Variants in PGM1 observed in about 807,000 individuals in gnomAD.
PGM1 encodes phosphoglucomutase 1.
A neutral mutation model predicts 55.6 loss-of-function variants in PGM1; 52 were observed. That is an observed-to-expected ratio of 0.94 (90% CI 0.75 to 1.18). The LOEUF (loss-of-function observed/expected upper bound fraction) is 1.18. Ranked by LOEUF, PGM1 falls within the 50% of genes most tolerant of loss-of-function variation. The pLI, the probability that PGM1 is intolerant of heterozygous loss-of-function variation, is 0.00. For synonymous variants in PGM1, 287 were observed against 271.7 expected (o/e 1.06, Z -0.55); for missense variants, 724 against 729.3 (o/e 0.99, Z 0.08).
In PGM1 at chr1:63,658,397, CTTT is replaced by C. The variant is rs34314608; in HGVS notation, c.1600-1177_1600-1175del. Among the ~76,000 whole-genome samples the C allele has an allele frequency of 1.1e-3, 153 of 135,196 alleles. 1 individual carries two copies. In the Middle Eastern group the frequency reaches 0.015, roughly 13 times the overall value. 88.7% of individuals were successfully genotyped at this position (135,196 alleles called of 152,430 possible). A position where few individuals can be genotyped will look rare whatever the true frequency, so the allele number is the denominator to read the frequency against. ...CATTTATTAAGCAACAGAATTCTCT[CTTT>C]TTTTTTTTTTTCTTTAAGCGAGAAG... On this transcript the variant is annotated intron_variant, in intron 10 of 10. Transcript: ENST00000371084.
rs1368353654 is a variant in PGM1 at position 63,616,489 on chromosome 1, C to G, written c.247-12936C>G. ...TCTCTTGTAGGCTCCCAGATGAGTA[C>G]TTTTTACTCCATTTTAAAATGATTT... On this transcript the variant is annotated intron_variant, in intron 1 of 10. Transcript: ENST00000371084. 3.9e-5 allele frequency among the ~76,000 whole-genome samples: 6 copies of G among 152,294 alleles called. 1 individual carries two copies. The South Asian group carries it at 6.2e-4, about 16-fold the overall frequency.
At chr1:63,604,047 T>C (rs1379096444) in intron 1 of PGM1, among the ~76,000 whole-genome samples, 4 of 152,200 alleles carry the variant, frequency 2.6e-5, no homozygotes, top group East Asian at 3.9e-4. Context: ...GGAGCACTTA[T>C]GCCCTGTGCC....
At chr1:63,634,747 T>C in intron 4 of PGM1, 82 bp from the exon 5 acceptor site, 1 of 1,168,662 alleles carries the variant, frequency 8.6e-7, no homozygotes, top group African/African-American at 1.5e-5. Flanking sequence ...CCAGAATGCA[T>C]CCACCTCACC....
intron 1 of PGM1, chr1:63,623,695 G>A: frequency 6.2e-7 from 1 of 1,612,588 alleles, no homozygotes; most frequent in Non-Finnish European, 8.5e-7. Context: ...GGTGGTTGGT[G>A]GAGATGGGCG....
chr1:63,648,845 G>A (rs543386169), intron 8 of PGM1, among the ~76,000 whole-genome samples, 193 bp downstream of exon 8: 1 of 152,220 alleles, frequency 6.6e-6, no homozygotes, highest in African/African-American at 2.4e-5. Context: ...CATAAAGAGT[G>A]AGGCTTTAAA....
At chr1:63,605,673 C>T (rs1399538395) in intron 1 of PGM1, among the ~76,000 whole-genome samples, 2 of 152,030 alleles carry the variant, frequency 1.3e-5, no homozygotes, top group African/African-American at 4.8e-5. Flanking sequence ...AATTCTCAGG[C>T]TCAAGTGATC....
chr1:63,623,449 T>C (rs1157090109), intron 1 of PGM1: 1 of 1,609,488 alleles, frequency 6.2e-7, no homozygotes, highest in Non-Finnish European at 8.5e-7. Context: ...AGCCAGTCGG[T>C]GGAAGTGAAG....
intron 10 of PGM1, among the ~76,000 whole-genome samples, chr1:63,658,746 C>T (rs1047522604): frequency 2.1e-5 from 3 of 139,952 alleles, no homozygotes; most frequent in Non-Finnish European, 3.0e-5. Flanking sequence ...GAGTGAAACT[C>T]CATCTCAAAA....
At chr1:63,609,425 G>C (rs942575644) in intron 1 of PGM1, among the ~76,000 whole-genome samples, 1 of 152,168 alleles carries the variant, frequency 6.6e-6, no homozygotes, top group Non-Finnish European at 1.5e-5. Flanking sequence ...CAGTGGTTGG[G>C]GGTACAGGAT....
chr1:63,658,642 C>T (rs1039529332), intron 10 of PGM1, among the ~76,000 whole-genome samples: 2 of 151,520 alleles, frequency 1.3e-5, no homozygotes, highest in African/African-American at 4.9e-5. Context: ...ATCCCAGTCA[C>T]TAGAGAGGCT....
chr1:63,634,753 T>A, intron 4 of PGM1, 76 bp from the exon 5 acceptor site: 1 of 1,250,842 alleles, frequency 8.0e-7, no homozygotes, highest in South Asian at 1.2e-5. Flanking sequence ...TGCATCCACC[T>A]CACCCCTGAA....
At chr1:63,632,729 G>A (rs562067542) in intron 4 of PGM1, among the ~76,000 whole-genome samples, 10 of 152,264 alleles carry the variant, frequency 6.6e-5, no homozygotes, top group East Asian at 1.9e-4. Context: ...AACTAACCCC[G>A]GGGTCGGGCG....
intron 1 of PGM1, among the ~76,000 whole-genome samples, chr1:63,598,256 A>C (rs1403827746): frequency 6.6e-6 from 1 of 152,158 alleles, no homozygotes; most frequent in Non-Finnish European, 1.5e-5. Flanking sequence ...TGGGATTACA[A>C]GTGTGAGCCA....
intron 1 of PGM1, among the ~76,000 whole-genome samples, chr1:63,603,751 T>C (rs1648306434): frequency 6.6e-6 from 1 of 152,038 alleles, no homozygotes; most frequent in African/African-American, 2.4e-5. Context: ...ACACAACAGG[T>C]ATGTCTTTAA....
At chr1:63,617,403 G>A (rs1341357384) in intron 1 of PGM1, among the ~76,000 whole-genome samples, 1 of 152,136 alleles carries the variant, frequency 6.6e-6, no homozygotes, top group African/African-American at 2.4e-5. Context: ...AGAGAGAGGG[G>A]CGTCTCCTGC....
At chr1:63,603,573 A>G (rs1460266217) in intron 1 of PGM1, among the ~76,000 whole-genome samples, 1 of 152,242 alleles carries the variant, frequency 6.6e-6, no homozygotes, top group East Asian at 1.9e-4. Flanking sequence ...GTAAGACCAG[A>G]TGGCTTCCCA....
Position 63,635,077 on chromosome 1 carries a change from G to A in PGM1, c.873+58G>A, listed in dbSNP as rs1280015129. ...GCAGGCCAGGCCTGATCCTGCAGAT[G>A]GGGAAAAAAGTGGGCTGCTTCTGCC... On this transcript the variant is annotated intron_variant, in intron 5 of 10. Coordinates refer to ENST00000371084, the MANE Select transcript of PGM1 (RefSeq NM_002633.3). The A allele has an allele frequency of 6.1e-6, 9 of 1,464,868 alleles. No homozygotes were observed. The East Asian group carries it at 1.8e-4, about 29-fold the overall frequency. 90.7% of individuals were successfully genotyped at this position (1,464,868 alleles called of 1,614,324 possible). A position where few individuals can be genotyped will look rare whatever the true frequency, so the allele number is the denominator to read the frequency against.
intron 3 of PGM1, among the ~76,000 whole-genome samples, chr1:63,631,048 C>A (rs1416834327): frequency 6.6e-6 from 1 of 152,104 alleles, no homozygotes; most frequent in Non-Finnish European, 1.5e-5. Context: ...CCTGAATATC[C>A]AGCAGTTTTG....
rs762432478 is a variant in PGM1 at position 63,642,250 on chromosome 1, C to G, written c.1144+3450C>G. Among the ~76,000 whole-genome samples the G allele has an allele frequency of 3.7e-4, 56 of 152,240 alleles. 1 individual carries two copies. Among genetic ancestry groups the G allele is most frequent in the Non-Finnish European group, 8.8e-5 (6 of 68,052 alleles). ...TCTGCAGAACAATCTTGGAATATTA[C>G]TAACATTATACATTAGTCTGTTTGT... On this transcript the variant is annotated intron_variant, in intron 7 of 10. Transcript: ENST00000371084.
Sources: gnomAD v4.1 joint callset for allele counts (sites outside exome capture counted in the v4.1 genomes callset) on GRCh38, gnomAD v4.1.1 for gene constraint, MANE v1.5 for transcripts, NCBI Gene and HGNC (gene_info 2026-07-23, HGNC 2026-07-21) for gene names.